DDR1: variants seen among roughly 807,000 people sequenced by gnomAD.
The protein encoded by DDR1 is epithelial discoidin domain-containing receptor 1.
A neutral mutation model predicts 97.4 loss-of-function variants in DDR1; 64 were observed. The ratio of observed to expected loss-of-function variants is 0.66; its 90% CI spans 0.54 to 0.81. DDR1 has a LOEUF of 0.81. Ranked by LOEUF, DDR1 falls within the 30% of genes least tolerant of loss-of-function variation. DDR1 has a pLI of 0.00. For synonymous variants in DDR1, 458 were observed against 503.7 expected, an observed-to-expected ratio of 0.91 and a Z score of 1.21; for missense variants, 990 against 1,259.6, an observed-to-expected ratio of 0.79 and a Z score of 3.24.
Position 30,894,674 on chromosome 6 carries a change from A to G in DDR1, c.1513+3A>G, listed in dbSNP as rs1337428602. 4 of 1,597,884 alleles carry G rather than the reference A, an allele frequency of 2.5e-6. No individual in the cohort carries two copies. Among genetic ancestry groups the G allele is most frequent in the Non-Finnish European group, 3.4e-6 (4 of 1,171,262 alleles). On this transcript the variant is annotated splice_donor_region_variant and intron_variant, in intron 11 of 17. Transcript: ENST00000376568. The surrounding 1 kb of genome is among the most constrained non-coding windows in gnomAD (Gnocchi z 5.7). ...TCCCTGTGTCCCCAATGGCTCTGGT[A>G]AGACCTGCCTTGTTCCAGTCGCACC...
rs1792327814 is a variant in DDR1 at position 30,899,919 on chromosome 6, C to T, written c.*623C>T. 1 of 527,698 alleles carries T rather than the reference C, an allele frequency of 1.9e-6. No homozygotes were observed. The highest frequency in any genetic ancestry group is 2.2e-5 in the Admixed American group (1 of 45,416). 32.7% of individuals were successfully genotyped at this position (527,698 alleles called of 1,614,324 possible). On this transcript the variant is annotated 3_prime_UTR_variant, in exon 18 of 18. Coordinates refer to ENST00000376568, the MANE Select transcript of DDR1 (RefSeq NM_001297654.2). The stretch of plus-strand genomic sequence containing the variant: ...GTCTTGTAGCTAGAACTTCTCTAAG[C>T]CTATACGTTTCTGTGGAGTAAATAT...
At chr6:30,898,757 G>T (rs768387938) in intron 16 of DDR1, 131 bp from the exon 17 acceptor site, 2 of 965,286 alleles carry the variant, frequency 2.1e-6, no homozygotes, top group African/African-American at 1.6e-5. Flanking sequence ...GAGGAGAGTG[G>T]AGAGCCTGGC....
In DDR1 at chr6:30,897,839, C is replaced by G. The variant is rs1036195791; in HGVS notation, c.2217-234C>G. Among the ~76,000 whole-genome samples the G allele has an allele frequency of 2.0e-5, 3 of 152,210 alleles. No homozygotes were observed. The stretch of plus-strand genomic sequence containing the variant: ...CCTGCCATGACGTCCCTTCTGCTTT[C>G]TCTCACCCTCACTCCCCTCTGAGTC... On this transcript the variant is annotated intron_variant, in intron 15 of 17. Coordinates refer to ENST00000376568, the MANE Select transcript of DDR1 (RefSeq NM_001297654.2). This position sits in a 1 kb window ranked among gnomAD's most constrained non-coding sequence, Gnocchi z 5.2.
Position 30,890,908 on chromosome 6 carries a change from G to C in DDR1, c.418-65G>C. ...CTGTGGGCTGGGCCAGGGAGCAGCTGGTGGGTGGGAAGTAAGATCTGACCT... is the reference window on the plus strand; with the variant it reads ...CTGTGGGCTGGGCCAGGGAGCAGCTCGTGGGTGGGAAGTAAGATCTGACCT... On this transcript the variant is annotated intron_variant, in intron 4 of 17. Transcript: ENST00000376568. This position sits in a 1 kb window ranked among gnomAD's most constrained non-coding sequence, Gnocchi z 5.0. The C allele has an allele frequency of 6.6e-7, 1 of 1,513,218 alleles. No individual in the cohort carries two copies. 93.7% of individuals were successfully genotyped at this position (1,513,218 alleles called of 1,614,324 possible).
At position 30,894,547 on chromosome 6, in the gene DDR1, C is replaced by CT; in HGVS notation, c.1390dup (p.Ser464PhefsTer16). The CT allele has an allele frequency of 1.2e-6, 2 of 1,612,980 alleles. 1 individual carries two copies. Among genetic ancestry groups the CT allele is most frequent in the Middle Eastern group, 3.3e-4 (2 of 6,056 alleles). Reference sequence around the variant, plus strand: ...TGGAAGAGGAGCTGACGGTTCACCTCTCTGTCCCTGGGGACACTATCCTCA... The same window carrying CT: ...TGGAAGAGGAGCTGACGGTTCACCTCTTCTGTCCCTGGGGACACTATCCTCA... On this transcript the variant is annotated frameshift_variant, in exon 11 of 18. Coordinates refer to ENST00000376568, the MANE Select transcript of DDR1 (RefSeq NM_001297654.2). LOFTEE classifies it high-confidence loss of function. The surrounding 1 kb of genome is among the most constrained non-coding windows in gnomAD (Gnocchi z 5.7).
chr6:30,885,105 C>A, intron 1 of DDR1: 1 of 1,253,476 alleles, frequency 8.0e-7, no homozygotes. Context: ...TCCGCTCAGC[C>A]AACACCCAGT....
Position 30,884,923 on chromosome 6 carries a change from G to T in DDR1, c.-43+213G>T. On this transcript the variant is annotated intron_variant, in intron 1 of 17. Coordinates refer to ENST00000376568, the MANE Select transcript of DDR1 (RefSeq NM_001297654.2). This position sits in a 1 kb window ranked among gnomAD's most constrained non-coding sequence, Gnocchi z 6.1. ...CGGGGACTGGGTGGAGGTGAAGCCCGTGACCTCCCAGAAAGAGTTTTGAGC... is the reference window on the plus strand; with the variant it reads ...CGGGGACTGGGTGGAGGTGAAGCCCTTGACCTCCCAGAAAGAGTTTTGAGC... The T allele has an allele frequency of 4.7e-6, 2 of 421,100 alleles. No individual in the cohort carries two copies. The highest frequency in any genetic ancestry group is 2.0e-5 in the African/African-American group (1 of 50,710). 26.1% of individuals were successfully genotyped at this position (421,100 alleles called of 1,614,324 possible). A position where few individuals can be genotyped will look rare whatever the true frequency, so the allele number is the denominator to read the frequency against.
In DDR1 at chr6:30,899,424, G is replaced by C. The variant is rs1388585336; in HGVS notation, c.*128G>C. The C allele has an allele frequency of 6.3e-6, 8 of 1,271,778 alleles. No individual in the cohort carries two copies. Among genetic ancestry groups the C allele is most frequent in the Non-Finnish European group, 7.4e-6 (7 of 942,066 alleles). The allele number at this position is 1,271,778 out of a possible 1,614,324, so 78.8% of individuals were successfully genotyped here. On this transcript the variant is annotated 3_prime_UTR_variant, in exon 18 of 18. Transcript: ENST00000376568. ...GCCCATCACCTCTAATAGAGGCAGTGAGACTGCAGGTGGGCTGGGCCCACC... is the reference window on the plus strand; with the variant it reads ...GCCCATCACCTCTAATAGAGGCAGTCAGACTGCAGGTGGGCTGGGCCCACC...
chr6:30,890,753 CT>C lies in DDR1; in HGVS notation c.418-219del. ...AGAAGAGGGCAGCTGAGCCTGAAGTCTGAGGATGGAACATCAGAGCTGCGAC... is the reference window on the plus strand; with the variant it reads ...AGAAGAGGGCAGCTGAGCCTGAAGTCGAGGATGGAACATCAGAGCTGCGAC... On this transcript the variant is annotated intron_variant, in intron 4 of 17. Transcript: ENST00000376568. The surrounding 1 kb of genome is among the most constrained non-coding windows in gnomAD (Gnocchi z 5.0). 2.0e-6 allele frequency: 1 copy of C among 497,016 alleles called. No individual in the cohort carries two copies. Among genetic ancestry groups the C allele is most frequent in the Non-Finnish European group, 3.5e-6 (1 of 287,342 alleles). 30.8% of individuals were successfully genotyped at this position (497,016 alleles called of 1,614,324 possible). A position where few individuals can be genotyped will look rare whatever the true frequency, so the allele number is the denominator to read the frequency against.
chr6:30,898,143 G>T lies in DDR1; in HGVS notation c.2287G>T (p.Val763Leu). ...GMRYLATLNF[V>L]HRDLATRNCL... ...GCGCTATCTGGCCACACTCAACTTT[G>T]TACATCGGGACCTGGCCACGCGGAA... Residue 763 changes from valine to leucine, a missense_variant, in exon 16 of 18, where the codon GTA becomes TTA. Physicochemically the swap from Val to Leu is conservative, Grantham distance 32. Coordinates refer to ENST00000376568, the MANE Select transcript of DDR1 (RefSeq NM_001297654.2). The T allele has an allele frequency of 6.2e-7, 1 of 1,614,274 alleles. No homozygotes were observed. Among genetic ancestry groups the T allele is most frequent in the South Asian group, 1.1e-5 (1 of 91,088 alleles).
At chr6:30,881,008 C>G (rs986201514), upstream of DDR1, 1 of 152,110 alleles carries the variant, frequency 6.6e-6, no homozygotes, top group African/African-American at 2.4e-5. Flanking sequence ...GCAGCTGCTC[C>G]TCCTGGGCCC....
chr6:30,884,361 C>T (rs1188763854), upstream of DDR1: 1 of 142,222 alleles, frequency 7.0e-6, no homozygotes, highest in East Asian at 2.3e-4. This position sits in a 1 kb window ranked among gnomAD's most constrained non-coding sequence, Gnocchi z 6.1. Flanking sequence ...GTGGGAGCCA[C>T]TGGGACTACT....
chr6:30,885,084 A>T lies in DDR1; in HGVS notation c.-43+374A>T, dbSNP rs1581998196. ...CCTGGCCAGTCCCTGCGGGCATCTAACTGCTAAGCCTCCGCTCAGCCAACA... is the reference window on the plus strand; with the variant it reads ...CCTGGCCAGTCCCTGCGGGCATCTATCTGCTAAGCCTCCGCTCAGCCAACA... On this transcript the variant is annotated intron_variant, in intron 1 of 17. Transcript: ENST00000376568. 3 of 991,516 alleles carry T rather than the reference A, an allele frequency of 3.0e-6. No individual in the cohort carries two copies. In the East Asian group the frequency reaches 8.0e-5, roughly 26 times the overall value. 61.4% of individuals were successfully genotyped at this position (991,516 alleles called of 1,614,324 possible).
upstream of DDR1, among the ~76,000 whole-genome samples, chr6:30,882,182 T>G (rs1210461757): frequency 6.6e-6 from 1 of 152,178 alleles, no homozygotes; most frequent in African/African-American, 2.4e-5. The surrounding 1 kb of genome is among the most constrained non-coding windows in gnomAD (Gnocchi z 4.8). Flanking sequence ...GTGCTGGGCT[T>G]CCCTCCTGTG....
intron 9 of DDR1, 21 bp downstream of exon 9, chr6:30,893,184 G>T: frequency 1.2e-6 from 2 of 1,602,666 alleles, no homozygotes; most frequent in Non-Finnish European, 1.7e-6. Flanking sequence ...TTGGGTGGGC[G>T]TGTGGACCCT....
At chr6:30,882,379 C>T (rs1784444534), upstream of DDR1, among the ~76,000 whole-genome samples, 1 of 152,176 alleles carries the variant, frequency 6.6e-6, no homozygotes, top group Admixed American at 6.5e-5. This position sits in a 1 kb window ranked among gnomAD's most constrained non-coding sequence, Gnocchi z 4.8. Context: ...ACACAGGGGG[C>T]CTCTGGGGTT....
Position 30,894,555 on chromosome 6 carries a change from C to T in DDR1, c.1397C>T (p.Pro466Leu), listed in dbSNP as rs1789966226. ...EEELTVHLSVPGDTILINNRP... is the reference protein window; with the variant it reads ...EEELTVHLSVLGDTILINNRP... ...GAGCTGACGGTTCACCTCTCTGTCC[C>T]TGGGGACACTATCCTCATCAACAAC... The change falls in exon 11 of 18, where the codon CCT (proline) becomes CTT (leucine). Residue 466 changes from proline to leucine, a missense_variant. Transcript: ENST00000376568. The surrounding 1 kb of genome is among the most constrained non-coding windows in gnomAD (Gnocchi z 5.7). 1.2e-6 allele frequency: 2 copies of T among 1,613,440 alleles called. No homozygotes were observed. Among genetic ancestry groups the T allele is most frequent in the South Asian group, 2.2e-5 (2 of 90,976 alleles).
chr6:30,887,334 G>A (rs1786231404), intron 1 of DDR1, among the ~76,000 whole-genome samples: 1 of 152,158 alleles, frequency 6.6e-6, no homozygotes, highest in Admixed American at 6.5e-5. Context: ...TTACATAAAT[G>A]CATTTATGTT....
chr6:30,888,621 T>A lies in DDR1; in HGVS notation c.-42-67T>A. 6.5e-7 allele frequency: 1 copy of A among 1,528,122 alleles called. No individual in the cohort carries two copies. The highest frequency in any genetic ancestry group is 8.8e-7 in the Non-Finnish European group (1 of 1,133,156). The allele number at this position is 1,528,122 out of a possible 1,614,324, so 94.7% of individuals were successfully genotyped here. On this transcript the variant is annotated intron_variant, in intron 1 of 17. Transcript: ENST00000376568. This position sits in a 1 kb window ranked among gnomAD's most constrained non-coding sequence, Gnocchi z 4.2. ...ATTATCCCCAAAGCGGCCCATTCTG[T>A]CTGTTGCTGTCAGCTATGACTCAGT... is the stretch of plus-strand genomic sequence containing the variant.
Sources: gnomAD v4.1 joint callset for allele counts (sites outside exome capture counted in the v4.1 genomes callset) on GRCh38, gnomAD v4.1.1 for gene constraint, Gnocchi (gnomAD v3.1) non-coding constraint, MANE v1.5 for transcripts, NCBI Gene and HGNC (gene_info 2026-07-23, HGNC 2026-07-21) for gene names.